Variants in EPHA3 observed in about 807,000 individuals in gnomAD.
EPHA3 encodes ephrin type-A receptor 3.
A neutral mutation model predicts 107.1 loss-of-function variants in EPHA3; 42 were observed. That is an observed-to-expected ratio of 0.39 (90% CI 0.31 to 0.51). The LOEUF is 0.51. Among genes scored for constraint, EPHA3 ranks in the 20% least tolerant of loss-of-function variants. The pLI is 0.78. For synonymous variants in EPHA3, 461 were observed against 424.8 expected, an observed-to-expected ratio of 1.09 and a Z score of -1.05; for missense variants, 1,183 against 1,211.2, an observed-to-expected ratio of 0.98 and a Z score of 0.35.
chr3:89,279,322 A>G (rs2107311284), intron 3 of EPHA3, among the ~76,000 whole-genome samples: 1 of 152,216 alleles, frequency 6.6e-6, no homozygotes, highest in South Asian at 2.1e-4. Flanking sequence ...CCATTCTAGA[A>G]AAAGTTAGAG....
intron 2 of EPHA3, among the ~76,000 whole-genome samples, chr3:89,152,369 C>G (rs1704707699): frequency 1.3e-5 from 2 of 152,010 alleles, no homozygotes; most frequent in African/African-American, 4.8e-5. Flanking sequence ...CTCTCAGAAA[C>G]TGCACAGGCC....
Position 89,107,773 on chromosome 3 carries a change from C to T in EPHA3, c.25C>T (p.Leu9Phe), listed in dbSNP as rs1707006339. MDCQLSIL[L>F]LLSCSVLDSF... is the part of the protein sequence containing the mutation. ...CATGGATTGTCAGCTCTCCATCCTC[C>T]TCCTTCTCAGCTGCTCTGTTCTCGA... Residue 9 changes from leucine to phenylalanine, a missense_variant, in exon 1 of 17, where the codon CTC (leucine) becomes TTC (phenylalanine). By Grantham distance (22) the Leu-to-Phe change is conservative. Transcript: ENST00000336596. The T allele has an allele frequency of 6.2e-7, 1 of 1,614,200 alleles. No individual in the cohort carries two copies. The highest frequency in any genetic ancestry group is 8.5e-7 in the Non-Finnish European group (1 of 1,180,022).
intron 5 of EPHA3, among the ~76,000 whole-genome samples, chr3:89,374,336 AGTAAAAG>A (rs1708363689): frequency 6.6e-6 from 1 of 151,934 alleles, no homozygotes; most frequent in Non-Finnish European, 1.5e-5. Context: ...AGCACACAAT[AGTAAAAG>A]TCAGTATTAG....
At chr3:89,119,433 C>T (rs1313600958) in intron 1 of EPHA3, among the ~76,000 whole-genome samples, 1 of 152,048 alleles carries the variant, frequency 6.6e-6, no homozygotes, top group Admixed American at 6.5e-5. Flanking sequence ...CACCATGCTC[C>T]TAAGATGCAA....
intron 3 of EPHA3, among the ~76,000 whole-genome samples, chr3:89,212,140 G>A (rs1328189649): frequency 2.0e-5 from 3 of 151,722 alleles, no homozygotes; most frequent in African/African-American, 4.8e-5. Context: ...GTGTCATACC[G>A]TTTACTAGGA....
intron 3 of EPHA3, among the ~76,000 whole-genome samples, chr3:89,321,767 G>T (rs1707047984): frequency 6.6e-6 from 1 of 152,028 alleles, no homozygotes; most frequent in South Asian, 2.1e-4. Context: ...CAGATTGAAT[G>T]TTGTATTACT....
At chr3:89,424,452 T>C (rs1709417182) in intron 11 of EPHA3, among the ~76,000 whole-genome samples, 2 of 151,418 alleles carry the variant, frequency 1.3e-5, no homozygotes, top group Non-Finnish European at 1.5e-5. Context: ...TTTAAAAGCA[T>C]TTCTTTTCGA....
At chr3:89,241,837 ATATTT>A in intron 3 of EPHA3, among the ~76,000 whole-genome samples, 1 of 152,322 alleles carries the variant, frequency 6.6e-6, no homozygotes, top group South Asian at 2.1e-4. Flanking sequence ...AAAAGAAAAC[ATATTT>A]TAAGAAATAA....
intron 3 of EPHA3, among the ~76,000 whole-genome samples, chr3:89,292,457 C>T (rs1433864669): frequency 1.3e-5 from 2 of 152,070 alleles, no homozygotes; most frequent in Admixed American, 6.6e-5. Context: ...GGTCCTGGAA[C>T]GAGTTCCCTG....
At chr3:89,215,494 A>G (rs535785210) in intron 3 of EPHA3, among the ~76,000 whole-genome samples, 1 of 152,042 alleles carries the variant, frequency 6.6e-6, no homozygotes, top group South Asian at 2.1e-4. Context: ...TGTTCTGTAT[A>G]TACTGCAAAT....
chr3:89,107,759 A>G lies in EPHA3; in HGVS notation c.11A>G (p.Gln4Arg). MDCQLSILLLLSCS... is the reference protein window; with the variant it reads MDCRLSILLLLSCS... ...CTCTGCACCAGCAACATGGATTGTC[A>G]GCTCTCCATCCTCCTCCTTCTCAGC... The change falls in exon 1 of 17, where the codon CAG becomes CGG. Residue 4 changes from glutamine to arginine, a missense_variant. Coordinates refer to ENST00000336596, the MANE Select transcript of EPHA3 (RefSeq NM_005233.6). 6.2e-7 allele frequency: 1 copy of G among 1,614,098 alleles called. No individual in the cohort carries two copies. Among genetic ancestry groups the G allele is most frequent in the Non-Finnish European group, 8.5e-7 (1 of 1,179,972 alleles).
chr3:89,166,022 A>T (rs1576197911), intron 2 of EPHA3, among the ~76,000 whole-genome samples: 2 of 152,276 alleles, frequency 1.3e-5, no homozygotes, highest in South Asian at 2.1e-4. Flanking sequence ...AATTTGCTCA[A>T]ATGCTCATTA....
intron 15 of EPHA3, among the ~76,000 whole-genome samples, chr3:89,453,153 G>T (rs1462399851): frequency 5.9e-5 from 9 of 151,866 alleles, no homozygotes; most frequent in African/African-American, 2.2e-4. Context: ...GGGCCATATG[G>T]TCCTCATTCT....
intron 3 of EPHA3, among the ~76,000 whole-genome samples, chr3:89,220,838 A>G (rs57468276): frequency 1.3e-4 from 20 of 152,236 alleles, no homozygotes; most frequent in African/African-American, 4.3e-4. Context: ...TCCTTTGACA[A>G]TTAGAGTGGC....
rs531242644 is a variant in EPHA3, at chr3:89,337,066, GA to G, written c.815-3837del. 3.7e-3 allele frequency among the ~76,000 whole-genome samples: 361 copies of G among 98,860 alleles called. 2 individuals carry two copies. Among genetic ancestry groups the G allele is most frequent in the Middle Eastern group, 0.018 (3 of 168 alleles). The allele number at this position is 98,860 out of a possible 152,430, so 64.9% of individuals were successfully genotyped here. A position where few individuals can be genotyped will look rare whatever the true frequency, so the allele number is the denominator to read the frequency against. On this transcript the variant is annotated intron_variant, in intron 3 of 16. Transcript: ENST00000336596. Reference sequence around the variant, plus strand: ...AGAGCAAGACCCTGGCTCAAAAAAAGAAAAAAAAAAAAAGAAAAACAAAAAT... The same window carrying G: ...AGAGCAAGACCCTGGCTCAAAAAAAGAAAAAAAAAAAAGAAAAACAAAAAT...
intron 15 of EPHA3, among the ~76,000 whole-genome samples, chr3:89,458,722 G>A (rs562689220): frequency 1.9e-4 from 29 of 152,068 alleles, no homozygotes; most frequent in African/African-American, 6.0e-4. Flanking sequence ...TCTAACTGGC[G>A]TGCACACGTA....
At chr3:89,181,758 T>C (rs921255276) in intron 2 of EPHA3, among the ~76,000 whole-genome samples, 2 of 151,988 alleles carry the variant, frequency 1.3e-5, no homozygotes, top group African/African-American at 4.8e-5. Flanking sequence ...CAGCAGATCG[T>C]TAAATCTAAG....
intron 5 of EPHA3, among the ~76,000 whole-genome samples, chr3:89,384,004 A>T (rs116071746): frequency 0.016 from 2,432 of 152,138 alleles, 67 homozygotes; most frequent in African/African-American, 0.055. Flanking sequence ...TTGATTTTAT[A>T]GAATCATTCA....
At chr3:89,137,567 A>T (rs1704342564) in intron 2 of EPHA3, among the ~76,000 whole-genome samples, 1 of 151,990 alleles carries the variant, frequency 6.6e-6, no homozygotes, top group Admixed American at 6.6e-5. Flanking sequence ...TACAACATAA[A>T]CCACCTTAAG....
Sources: allele counts gnomAD v4.1 joint callset (sites outside exome capture counted in the v4.1 genomes callset), GRCh38; gene constraint gnomAD v4.1.1; transcripts MANE v1.5; gene names NCBI Gene and HGNC (gene_info 2026-07-23, HGNC 2026-07-21).